The following HIVEP1 variants were observed in gnomAD, a reference collection of about 807,000 sequenced individuals.
HIVEP1 encodes zinc finger protein 40.
In HIVEP1, 36 loss-of-function variants were observed where a neutral mutation model predicts 180.0. That is an observed-to-expected ratio of 0.20 (90% CI 0.15 to 0.26). The LOEUF (loss-of-function observed/expected upper bound fraction) is 0.26. Among genes scored for constraint, HIVEP1 ranks in the 10% least tolerant of loss-of-function variants. The pLI is 1.00. For missense variants in HIVEP1, 3,143 were observed against 3,268.7 expected (o/e 0.96, Z 0.94); for synonymous variants, 1,239 against 1,239.0 (o/e 1.00, Z 0.00).
At chr6:12,053,686 CT>C (rs1770679811) in intron 2 of HIVEP1, among the ~76,000 whole-genome samples, 1 of 152,088 alleles carries the variant, frequency 6.6e-6, no homozygotes, top group Non-Finnish European at 1.5e-5. Flanking sequence ...GGGCTGTGTA[CT>C]GCTTAAGCTA....
chr6:12,188,482 T>C, the HIVEP1 span, among the ~76,000 whole-genome samples: 427 of 152,280 alleles, frequency 2.8e-3, no homozygotes, highest in Admixed American at 6.5e-3. Flanking sequence ...AGCAACTATA[T>C]TGATATTTGT....
the HIVEP1 span, among the ~76,000 whole-genome samples, chr6:12,182,567 A>T: frequency 6.6e-6 from 1 of 152,220 alleles, no homozygotes; most frequent in Non-Finnish European, 1.5e-5. Flanking sequence ...GGGCTGAAGG[A>T]AATGTCTGTT....
chr6:12,015,373 T>C (rs1357777570), intron 1 of HIVEP1, among the ~76,000 whole-genome samples, 153 bp from the exon 2 acceptor site: 1 of 152,262 alleles, frequency 6.6e-6, no homozygotes, highest in Non-Finnish European at 1.5e-5. Flanking sequence ...AAATGACCTC[T>C]GTTTAATTAA....
chr6:12,154,320 A>AC (rs1248510595), intron 7 of HIVEP1, among the ~76,000 whole-genome samples: 3 of 152,220 alleles, frequency 2.0e-5, no homozygotes, highest in Admixed American at 6.5e-5. Flanking sequence ...CAGATTTAAA[A>AC]TTACGTGCAG....
chr6:12,164,351 CCAGA>C lies in HIVEP1; in HGVS notation c.8055_8058del (p.Gln2686PhefsTer19). 1 of 1,614,100 alleles carries C rather than the reference CCAGA, an allele frequency of 6.2e-7. No individual in the cohort carries two copies. Among genetic ancestry groups the C allele is most frequent in the Non-Finnish European group, 8.5e-7 (1 of 1,180,014 alleles). ...GCCCTCAGGCCAGCAGACTCTCTCT[CCAGA>C]CAGACAGGTTCCCAGGCCCACAGCA... On this transcript the variant is annotated frameshift_variant, in exon 9 of 9. Transcript: ENST00000379388. LOFTEE classifies it low-confidence loss of function (END_TRUNC).
At chr6:12,013,215 C>T (rs1358320942) in intron 1 of HIVEP1, among the ~76,000 whole-genome samples, 1 of 150,250 alleles carries the variant, frequency 6.7e-6, no homozygotes, top group Non-Finnish European at 1.5e-5. Context: ...CATTCCCCCC[C>T]TCCTCCTGGC....
chr6:12,037,873 G>A (rs987922757), intron 2 of HIVEP1: 1 of 403,058 alleles, frequency 2.5e-6, no homozygotes, highest in Admixed American at 4.4e-5. Context: ...AGTGTGCCTA[G>A]CTACTTTTTT....
chr6:12,195,268 A>C, the HIVEP1 span, among the ~76,000 whole-genome samples: 5 of 152,222 alleles, frequency 3.3e-5, no homozygotes, highest in Non-Finnish European at 7.3e-5. Context: ...TCATTGCTGT[A>C]TTCCAGCATC....
At chr6:12,184,019 A>G in the HIVEP1 span, among the ~76,000 whole-genome samples, 5 of 133,726 alleles carry the variant, frequency 3.7e-5, no homozygotes, top group African/African-American at 1.5e-4. Context: ...ATAGATAGAT[A>G]GATAGACAGA....
Position 12,123,903 on chromosome 6 carries a change from C to G in HIVEP1, c.4108C>G (p.Gln1370Glu), listed in dbSNP as rs751637189. 4.3e-6 allele frequency: 7 copies of G among 1,614,164 alleles called. No individual in the cohort carries two copies. Among genetic ancestry groups the G allele is most frequent in the Non-Finnish European group, 5.9e-6 (7 of 1,180,018 alleles). The change falls in exon 4 of 9, where the codon CAG (glutamine) becomes GAG (glutamate). Residue 1370 changes from glutamine (Q) to glutamate (E), a missense_variant. Transcript: ENST00000379388. Reference sequence around the variant, plus strand: ...GGAAATGAGGCGTACTGCATCAGAACAGATTAATTGCACGCAAACGTCAAT... The same window carrying G: ...GGAAATGAGGCGTACTGCATCAGAAGAGATTAATTGCACGCAAACGTCAAT... ...HREMRRTASE[Q>E]INCTQTSMEV...
Position 12,120,454 on chromosome 6 carries a change from A to T in HIVEP1, c.659A>T (p.Lys220Met). ...LSQKGSPCAI[K>M]TEKLRPNKTA... ...CAAAAGGGCTCACCTTGTGCAATTAAGACAGAAAAACTGAGGCCAAATAAA... is the reference window on the plus strand; with the variant it reads ...CAAAAGGGCTCACCTTGTGCAATTATGACAGAAAAACTGAGGCCAAATAAA... Residue 220 changes from lysine to methionine, a missense_variant, in exon 4 of 9, where the codon AAG (lysine) becomes ATG (methionine). Lys to Met is a moderately conservative substitution (Grantham distance 95). Around this residue, in one of 12 missense-constraint regions of HIVEP1, gnomAD observed 306 missense variants for 310.6 expected, o/e 0.99. Coordinates refer to ENST00000379388, the MANE Select transcript of HIVEP1 (RefSeq NM_002114.4). The T allele has an allele frequency of 6.2e-7, 1 of 1,614,206 alleles. No individual in the cohort carries two copies. The highest frequency in any genetic ancestry group is 1.1e-5 in the South Asian group (1 of 91,084).
intron 3 of HIVEP1, among the ~76,000 whole-genome samples, chr6:12,104,418 T>C (rs866178489): frequency 1.4e-4 from 15 of 109,484 alleles, no homozygotes; most frequent in African/African-American, 4.3e-4. Flanking sequence ...CTCTCTCCTT[T>C]TCTTTCCTTT....
In HIVEP1 at chr6:12,120,138, A is replaced by G. The variant is rs1775475770; in HGVS notation, c.343A>G (p.Thr115Ala). ...GKQFTKQNGE[T>A]PGIIAEASKS... ...GCAGTTTACCAAACAAAATGGAGAA[A>G]CACCTGGAATAATTGCTGAAGCCTC... The change falls in exon 4 of 9, where the codon ACA (threonine) becomes GCA (alanine). Residue 115 changes from threonine to alanine, a missense_variant. Physicochemically the swap from Thr to Ala is moderately conservative, Grantham distance 58. This residue lies in a region of HIVEP1 where 114 missense variants were observed against 134.5 expected (regional missense o/e 0.85). Coordinates refer to ENST00000379388, the MANE Select transcript of HIVEP1 (RefSeq NM_002114.4). The G allele has an allele frequency of 1.9e-6, 3 of 1,613,946 alleles. No individual in the cohort carries two copies. The highest frequency in any genetic ancestry group is 4.5e-5 in the East Asian group (2 of 44,880).
chr6:12,028,594 T>G (rs943075044), intron 2 of HIVEP1, among the ~76,000 whole-genome samples: 2 of 152,250 alleles, frequency 1.3e-5, no homozygotes, highest in Admixed American at 1.3e-4. Flanking sequence ...GAGCTAGGGT[T>G]TGCAATAAGT....
At chr6:12,028,143 C>T (rs1334850346) in intron 2 of HIVEP1, among the ~76,000 whole-genome samples, 3 of 151,454 alleles carry the variant, frequency 2.0e-5, no homozygotes, top group Admixed American at 6.6e-5. Context: ...GAATCGGTAA[C>T]TGTTAACATG....
At chr6:12,071,300 G>A (rs188711874) in intron 2 of HIVEP1, among the ~76,000 whole-genome samples, 1,687 of 152,246 alleles carry the variant, frequency 0.011, 39 homozygotes, top group African/African-American at 0.038. Flanking sequence ...TTGATAGTGG[G>A]GGGCTGGCAT....
At chr6:12,013,088 G>A (rs551357557) in intron 1 of HIVEP1, among the ~76,000 whole-genome samples, 1,687 of 152,196 alleles carry the variant, frequency 0.011, 12 homozygotes, top group Non-Finnish European at 0.02. Flanking sequence ...AGGGGAGGGG[G>A]CGGCGGCGGA....
chr6:12,205,186 AAGCGG>A, the HIVEP1 span, among the ~76,000 whole-genome samples: 6 of 152,066 alleles, frequency 3.9e-5, no homozygotes, highest in Admixed American at 1.3e-4. Flanking sequence ...AATTTGAACA[AAGCGG>A]CTGGGCGCGG....
intron 3 of HIVEP1, among the ~76,000 whole-genome samples, chr6:12,104,774 A>G (rs1172216663): frequency 3.3e-5 from 5 of 151,834 alleles, no homozygotes; most frequent in South Asian, 4.2e-4. Context: ...ATTTAAATCT[A>G]TCTTAGTTCT....
Sources: gnomAD v4.1 joint callset for allele counts (sites outside exome capture counted in the v4.1 genomes callset) on GRCh38, gnomAD v4.1.1 for gene constraint, gnomAD v4.1.1 regional missense constraint, MANE v1.5 for transcripts, NCBI Gene and HGNC (gene_info 2026-07-23, HGNC 2026-07-21) for gene names.